Variants in CC2D2A observed in about 807,000 individuals in gnomAD.
CC2D2A encodes coiled-coil and C2 domain containing 2A.
Under a neutral mutation model 212.9 loss-of-function variants are expected in CC2D2A, and 155 were observed. The ratio of observed to expected loss-of-function variants is 0.73; its 90% CI spans 0.64 to 0.83. The LOEUF (loss-of-function observed/expected upper bound fraction) is 0.83, where lower values mean the gene tolerates loss of function less well. Among genes scored for constraint, CC2D2A ranks in the 40% least tolerant of loss-of-function variants. The probability of loss-of-function intolerance (pLI) is 0.00; values close to 1 mark genes in which losing one functional copy is unlikely to be tolerated. For synonymous variants in CC2D2A, 667 were observed against 686.5 expected, an observed-to-expected ratio of 0.97 and a Z score of 0.44; for missense variants, 1,856 against 1,956.2, an observed-to-expected ratio of 0.95 and a Z score of 0.97.
intron 28 of CC2D2A, among the ~76,000 whole-genome samples, chr4:15,571,617 A>AG (rs1720173148): frequency 6.6e-6 from 1 of 151,742 alleles, no homozygotes; most frequent in East Asian, 1.9e-4. Context: ...AAAAAAAAAA[A>AG]AAAGACCAAA....
At chr4:15,483,540 CCTT>C (rs1269049880) in intron 4 of CC2D2A, among the ~76,000 whole-genome samples, 1 of 152,176 alleles carries the variant, frequency 6.6e-6, no homozygotes, top group African/African-American at 2.4e-5. Flanking sequence ...AAATCAGCCT[CCTT>C]CTTTTGAAAG....
Position 15,528,716 on chromosome 4 carries a change from T to C in CC2D2A, c.1456T>C (p.Ser486Pro), listed in dbSNP as rs774055235. ...CCAAAAAACCATCAATGAGTATAAA[T>C]CTGAAATTCGGTGAGTAAAGTTTGT... is the stretch of plus-strand genomic sequence containing the variant. ...TIQKTINEYK[S>P]EIRQTRKFRD... The change falls in exon 13 of 37, where the codon TCT (serine) becomes CCT (proline). Residue 486 changes from serine to proline, a missense_variant. Physicochemically the swap from Ser to Pro is moderately conservative, Grantham distance 74. This residue lies in a region of CC2D2A where 1,512 missense variants were observed against 1,579.3 expected (regional missense o/e 0.96). Coordinates refer to ENST00000424120, the MANE Select transcript of CC2D2A (RefSeq NM_001378615.1). The C allele has an allele frequency of 1.9e-6, 3 of 1,603,050 alleles. No individual in the cohort carries two copies. The South Asian group carries it at 3.4e-5, about 18-fold the overall frequency.
chr4:15,553,147 T>G lies in CC2D2A; in HGVS notation c.2339-11T>G. ...CTAAACAGCATCCTGTTTAATCTGGTGTTTCCCCAGGAGTGCCCTTCTCAT... is the reference window on the plus strand; with the variant it reads ...CTAAACAGCATCCTGTTTAATCTGGGGTTTCCCCAGGAGTGCCCTTCTCAT... On this transcript the variant is annotated splice_polypyrimidine_tract_variant and intron_variant, in intron 18 of 36. Coordinates refer to ENST00000424120, the MANE Select transcript of CC2D2A (RefSeq NM_001378615.1). 1 of 1,584,386 alleles carries G rather than the reference T, an allele frequency of 6.3e-7. No homozygotes were observed. The highest frequency in any genetic ancestry group is 8.6e-7 in the Non-Finnish European group (1 of 1,169,268).
chr4:15,591,609 G>T (rs1443042881), intron 33 of CC2D2A, among the ~76,000 whole-genome samples: 1 of 152,114 alleles, frequency 6.6e-6, no homozygotes, highest in Non-Finnish European at 1.5e-5. Context: ...CATGTGTTCA[G>T]CAAATAGCAA....
At chr4:15,470,675 CTCTCTCTCTCTCTCTATATATATATATA>C (rs1165024686) in intron 1 of CC2D2A, among the ~76,000 whole-genome samples, 18 of 77,002 alleles carry the variant, frequency 2.3e-4, no homozygotes, top group Non-Finnish European at 3.6e-4. Flanking sequence ...CTCTCTCTCT[CTCTCTCTCTCTCTCTATATATATATATA>C]TATATATATA....
At chr4:15,596,006 CCACACATACATCCATG>C in intron 33 of CC2D2A, 63 bp from the exon 34 acceptor site, 1 of 1,020,202 alleles carries the variant, frequency 9.8e-7, no homozygotes, top group South Asian at 2.6e-5. Flanking sequence ...TGCCTCTATG[CCACACATACATCCATG>C]CACACATACA....
At chr4:15,557,249 T>G in intron 20 of CC2D2A, 55 bp from the exon 21 acceptor site, 1 of 1,272,368 alleles carries the variant, frequency 7.9e-7, no homozygotes, top group Non-Finnish European at 1.1e-6. Flanking sequence ...GTGCCAAGTT[T>G]CTTTGGATGA....
Position 15,480,790 on chromosome 4 carries a change from C to T in CC2D2A, c.210C>T (p.Thr70=). The change falls in exon 4 of 37, where the codon ACC becomes ACT. Residue 70 remains threonine, a synonymous_variant. Coordinates refer to ENST00000424120, the MANE Select transcript of CC2D2A (RefSeq NM_001378615.1). ...PQEPVQEEPK[T]RLLSMTVRRG... is the part of the protein sequence containing the mutation. ...AGCCTGTGCAGGAGGAGCCCAAGAC[C>T]CGCCTCCTGAGTATGACAGTCCGGA... 1.9e-6 allele frequency: 3 copies of T among 1,613,472 alleles called. No homozygotes were observed. Among genetic ancestry groups the T allele is most frequent in the South Asian group, 2.2e-5 (2 of 90,930 alleles).
intron 3 of CC2D2A, among the ~76,000 whole-genome samples, chr4:15,479,009 C>T (rs944854184): frequency 2.6e-4 from 40 of 152,120 alleles, no homozygotes; most frequent in African/African-American, 8.7e-4. Context: ...AGATGAGCCT[C>T]ACAATAAGGC....
chr4:15,554,976 T>C (rs1719204691), intron 19 of CC2D2A, 96 bp from the exon 20 acceptor site: 4 of 1,256,286 alleles, frequency 3.2e-6, no homozygotes, highest in South Asian at 2.7e-5. Flanking sequence ...TGGAGGATAA[T>C]AGCTTCCTCA....
chr4:15,522,238 C>A (rs971303456), intron 11 of CC2D2A, among the ~76,000 whole-genome samples: 1 of 152,130 alleles, frequency 6.6e-6, no homozygotes, highest in Non-Finnish European at 1.5e-5. Flanking sequence ...TACATACATA[C>A]AAGGAAAAAT....
In CC2D2A at chr4:15,567,669, A is replaced by T; in HGVS notation, c.3289-8A>T. ...ATTGGGAACTCAGAATTTGCTCTTG[A>T]TTTTAAGGTTTTAGTACGTCCCTTT... On this transcript the variant is annotated splice_polypyrimidine_tract_variant and splice_region_variant and intron_variant, in intron 25 of 36. Transcript: ENST00000424120. 6.3e-7 allele frequency: 1 copy of T among 1,583,982 alleles called. No individual in the cohort carries two copies. Among genetic ancestry groups the T allele is most frequent in the Non-Finnish European group, 8.6e-7 (1 of 1,168,552 alleles).
intron 16 of CC2D2A, among the ~76,000 whole-genome samples, chr4:15,538,949 A>T (rs1258185422): frequency 6.6e-6 from 1 of 152,170 alleles, no homozygotes. Flanking sequence ...CTGTAACCTC[A>T]GCACTTTGGG....
intron 1 of CC2D2A, among the ~76,000 whole-genome samples, chr4:15,472,790 T>C (rs1713923844): frequency 6.6e-6 from 1 of 152,196 alleles, no homozygotes; most frequent in Non-Finnish European, 1.5e-5. Context: ...TGCTTTTACA[T>C]TTTCCTTCCT....
rs770127559 is a variant in CC2D2A, at chr4:15,514,734, G to C, written c.745G>C (p.Asp249His). The change falls in exon 9 of 37, where the codon GAT (aspartate) becomes CAT (histidine). Residue 249 changes from aspartate (D) to histidine (H), a missense_variant. Transcript: ENST00000424120. ...TGAGGAAGAACTGCTTAATGGTGAT[G>C]ATGCCGAGGACTTCCTATTGGGCTT... ...MDEEELLNGD[D>H]AEDFLLGLDH... 6.3e-7 allele frequency: 1 copy of C among 1,598,244 alleles called. No homozygotes were observed. The highest frequency in any genetic ancestry group is 1.7e-5 in the Admixed American group (1 of 59,088).
At chr4:15,544,116 G>A (rs903501300) in intron 17 of CC2D2A, among the ~76,000 whole-genome samples, 4 of 152,090 alleles carry the variant, frequency 2.6e-5, no homozygotes, top group Non-Finnish European at 5.9e-5. Context: ...CCTGTCTGCC[G>A]TGCCCCTGAA....
chr4:15,566,477 C>A (rs1384578277), intron 24 of CC2D2A, among the ~76,000 whole-genome samples: 2 of 152,052 alleles, frequency 1.3e-5, no homozygotes, highest in Non-Finnish European at 2.9e-5. Context: ...CATTCAGGCG[C>A]CCCCTAGAAG....
At chr4:15,482,606 G>T (rs1394806392) in intron 4 of CC2D2A, among the ~76,000 whole-genome samples, 1 of 152,070 alleles carries the variant, frequency 6.6e-6, no homozygotes, top group South Asian at 2.1e-4. Context: ...CCTTATGATC[G>T]CATTTGACCT....
intron 2 of CC2D2A, among the ~76,000 whole-genome samples, chr4:15,478,166 T>G (rs1229980403): frequency 6.6e-6 from 1 of 152,254 alleles, no homozygotes; most frequent in East Asian, 1.9e-4. Context: ...AAACGAAGTT[T>G]GCGCTGTTAA....
Sources: allele counts gnomAD v4.1 joint callset (sites outside exome capture counted in the v4.1 genomes callset), GRCh38; gene constraint gnomAD v4.1.1; regional missense constraint gnomAD v4.1.1; transcripts MANE v1.5; gene names NCBI Gene and HGNC (gene_info 2026-07-23, HGNC 2026-07-21).